SHISA7: variants seen among roughly 807,000 people sequenced by gnomAD.
The protein encoded by SHISA7 is protein shisa-7.
A neutral mutation model predicts 23.9 loss-of-function variants in SHISA7; 6 were observed. The observed-to-expected ratio is 0.25, with a 90% CI of 0.14 to 0.50. SHISA7 has a LOEUF of 0.50. Among genes scored for constraint, SHISA7 ranks in the 20% least tolerant of loss-of-function variants. SHISA7 has a pLI of 0.98. For missense variants in SHISA7, 671 were observed against 801.1 expected (o/e 0.84, Z 1.96); for synonymous variants, 386 against 398.3 (o/e 0.97, Z 0.37).
At chr19:55,439,126 A>G (rs764422096) in intron 2 of SHISA7, among the ~76,000 whole-genome samples, 2 of 152,130 alleles carry the variant, frequency 1.3e-5, no homozygotes, top group Non-Finnish European at 2.9e-5. Context: ...ACAAAGTTGA[A>G]CCCAGGAATG....
chr19:55,435,408 TTG>T (rs201290225), intron 3 of SHISA7, among the ~76,000 whole-genome samples: 44 of 132,466 alleles, frequency 3.3e-4, no homozygotes, highest in Admixed American at 4.8e-4. Flanking sequence ...TGGGTGTGTG[TTG>T]TGTGTGTGTG....
At chr19:55,440,494 T>A (rs1277740363) in intron 2 of SHISA7, 117 bp downstream of exon 2, 3 of 953,130 alleles carry the variant, frequency 3.1e-6, no homozygotes, top group Non-Finnish European at 4.1e-6. Context: ...AAGGCGGGCG[T>A]AGGGGGTGAG....
In SHISA7 at chr19:55,433,641, G is replaced by C. The variant is rs1199601883; in HGVS notation, c.1132C>G (p.Pro378Ala). 6.7e-7 allele frequency: 1 copy of C among 1,489,970 alleles called. No homozygotes were observed. Among genetic ancestry groups the C allele is most frequent in the Admixed American group, 2.3e-5 (1 of 44,304 alleles). 92.3% of individuals were successfully genotyped at this position (1,489,970 alleles called of 1,614,324 possible). The change falls in exon 4 of 4, where the codon CCC becomes GCC. Residue 378 changes from proline to alanine, a missense_variant. Coordinates refer to ENST00000376325, the MANE Select transcript of SHISA7 (RefSeq NM_001145176.2). The surrounding 1 kb of genome is among the most constrained non-coding windows in gnomAD (Gnocchi z 8.4). ...TGGGACATGACCCGCCGGGGGTTGG[G>C]CGCGGGCGCCAGGCCCAGCTCCTCT... ...GPEELGLAPAPNPRRVMSQEH... is the reference protein window; with the variant it reads ...GPEELGLAPAANPRRVMSQEH...
At position 55,433,288 on chromosome 19, in the gene SHISA7, G is replaced by C; in HGVS notation, c.1485C>G (p.Gly495=). ...SPQPAWMSDA[G]GGGGTLARRP... ...TGCGGGCCAGTGTGCCCCCGCCCCC[G>C]CCGGCGTCGGACATCCAGGCCGGCT... Residue 495 remains glycine (G), a synonymous_variant, in exon 4 of 4, where the codon GGC becomes GGG. Coordinates refer to ENST00000376325, the MANE Select transcript of SHISA7 (RefSeq NM_001145176.2). This position sits in a 1 kb window ranked among gnomAD's most constrained non-coding sequence, Gnocchi z 8.4. 1 of 1,504,592 alleles carries C rather than the reference G, an allele frequency of 6.6e-7. No homozygotes were observed. The highest frequency in any genetic ancestry group is 8.8e-7 in the Non-Finnish European group (1 of 1,134,234). 93.2% of individuals were successfully genotyped at this position (1,504,592 alleles called of 1,614,324 possible).
intron 1 of SHISA7, 116 bp downstream of exon 1, chr19:55,442,076 AC>A (rs1568453283): frequency 9.2e-7 from 1 of 1,082,450 alleles, no homozygotes; most frequent in Non-Finnish European, 1.3e-6. Flanking sequence ...GGCGGCCGCC[AC>A]CTGGGTCTCT....
intron 2 of SHISA7, among the ~76,000 whole-genome samples, chr19:55,438,129 A>G (rs1383691022): frequency 2.0e-5 from 3 of 146,558 alleles, no homozygotes; most frequent in African/African-American, 7.8e-5. Flanking sequence ...CCTCCCTCAG[A>G]CCCAGGCGTC....
At position 55,432,755 on chromosome 19, in the gene SHISA7, GTTA is replaced by G. The variant is rs940785112; in HGVS notation, c.*398_*400del. The G allele has an allele frequency of 3.0e-5, 5 of 167,520 alleles. No homozygotes were observed. Among genetic ancestry groups the G allele is most frequent in the African/African-American group, 9.5e-5 (4 of 42,108 alleles). The allele number at this position is 167,520 out of a possible 1,614,324, so 10.4% of individuals were successfully genotyped here. On this transcript the variant is annotated 3_prime_UTR_variant, in exon 4 of 4. Transcript: ENST00000376325. The surrounding 1 kb of genome is among the most constrained non-coding windows in gnomAD (Gnocchi z 4.6). ...TGTCATGGAACAAGGCGTCGTCTCTGTTATTATACCACAAGAAGGAAGCCTCTG... is the reference window on the plus strand; with the variant it reads ...TGTCATGGAACAAGGCGTCGTCTCTGTTATACCACAAGAAGGAAGCCTCTG...
chr19:55,437,551 G>C (rs942854888), intron 3 of SHISA7, 54 bp downstream of exon 3: 3 of 1,534,804 alleles, frequency 2.0e-6, no homozygotes, highest in Non-Finnish European at 2.6e-6. Context: ...CTGAACCCAG[G>C]CTCTGGCCCC....
intron 3 of SHISA7, among the ~76,000 whole-genome samples, chr19:55,434,835 T>TGG (rs758664870): frequency 8.8e-6 from 1 of 113,704 alleles, no homozygotes; most frequent in Non-Finnish European, 1.8e-5. Flanking sequence ...GTGTGTGGTG[T>TGG]GTGGTGTGTG....
chr19:55,434,543 TGTG>T (rs1568450370), intron 3 of SHISA7, among the ~76,000 whole-genome samples: 1 of 102,830 alleles, frequency 9.7e-6, no homozygotes, highest in African/African-American at 3.9e-5. Context: ...TGTGTGTGGT[TGTG>T]TGTGTATGGT....
chr19:55,434,690 A>C (rs1397018150), intron 3 of SHISA7, among the ~76,000 whole-genome samples: 2 of 45,136 alleles, frequency 4.4e-5, no homozygotes, highest in Non-Finnish European at 8.2e-5. Flanking sequence ...GTGTGTGTGT[A>C]TGGTGCGTGT....
chr19:55,440,336 C>T (rs1478782941), intron 2 of SHISA7, among the ~76,000 whole-genome samples: 2 of 152,210 alleles, frequency 1.3e-5, no homozygotes, highest in Non-Finnish European at 2.9e-5. Flanking sequence ...ACACCGAGCG[C>T]AGGGGCTTGA....
chr19:55,433,685 A>T lies in SHISA7; in HGVS notation c.1088T>A (p.Met363Lys). ...RRPGTGGGYRMEAWGGPEELG... is the reference protein window; with the variant it reads ...RRPGTGGGYRKEAWGGPEELG... ...CTCCTCTGGGCCGCCCCAGGCCTCC[A>T]TGCGATAGCCGCCCCCCGTGCCCGG... Residue 363 changes from methionine to lysine, a missense_variant, in exon 4 of 4, where the codon ATG becomes AAG. Met to Lys is a moderately conservative substitution (Grantham distance 95). Transcript: ENST00000376325. The surrounding 1 kb of genome is among the most constrained non-coding windows in gnomAD (Gnocchi z 8.4). The T allele has an allele frequency of 6.7e-7, 1 of 1,482,530 alleles. No individual in the cohort carries two copies. Among genetic ancestry groups the T allele is most frequent in the Non-Finnish European group, 8.9e-7 (1 of 1,124,110 alleles). 91.8% of individuals were successfully genotyped at this position (1,482,530 alleles called of 1,614,324 possible). A position where few individuals can be genotyped will look rare whatever the true frequency, so the allele number is the denominator to read the frequency against.
chr19:55,442,693 G>T lies in SHISA7; in HGVS notation c.171C>A (p.Gly57=), dbSNP rs1414255300. 30 of 1,031,648 alleles carry T rather than the reference G, an allele frequency of 2.9e-5. No individual in the cohort carries two copies. Among genetic ancestry groups the T allele is most frequent in the Admixed American group, 2.9e-4 (5 of 17,338 alleles). The allele number at this position is 1,031,648 out of a possible 1,614,324, so 63.9% of individuals were successfully genotyped here. ...LTGGGGAASP[G]ANGTRTGPAG... ...CGGGGCCGGTCCTGGTGCCGTTGGCGCCTGGGCTCGCCGCGCCCCCGCCGC... is the reference window on the plus strand; with the variant it reads ...CGGGGCCGGTCCTGGTGCCGTTGGCTCCTGGGCTCGCCGCGCCCCCGCCGC... Residue 57 remains glycine (G), a synonymous_variant, in exon 1 of 4, where the codon GGC becomes GGA. Coordinates refer to ENST00000376325, the MANE Select transcript of SHISA7 (RefSeq NM_001145176.2).
At chr19:55,435,390 T>TGGGTGTGGTATATGTG in intron 3 of SHISA7, among the ~76,000 whole-genome samples, 1 of 129,634 alleles carries the variant, frequency 7.7e-6, no homozygotes, top group African/African-American at 2.9e-5. Flanking sequence ...ATATGTGGTG[T>TGGGTGTGGTATATGTG]GTGTGTGTGG....
chr19:55,441,656 A>G (rs919490791), intron 1 of SHISA7, among the ~76,000 whole-genome samples: 1 of 152,142 alleles, frequency 6.6e-6, no homozygotes, highest in African/African-American at 2.4e-5. Flanking sequence ...AGTCATCTAA[A>G]ATTACACTGC....
chr19:55,438,755 A>G, intron 2 of SHISA7: 1 of 607,048 alleles, frequency 1.6e-6, no homozygotes, highest in Non-Finnish European at 2.7e-6. Flanking sequence ...TTAGAGCTCC[A>G]CAGATCAACC....
rs1279459968 is a variant in SHISA7 at position 55,435,015 on chromosome 19, TGTGTGTGTGG to T, written c.977-1229_977-1220del. On this transcript the variant is annotated intron_variant, in intron 3 of 3. Transcript: ENST00000376325. ...TGGTGTGTGTGTGGTGTATATGTGGTGTGTGTGTGGGTGTGTGGCTGTGTGGTGTGTGTGT... is the reference window on the plus strand; with the variant it reads ...TGGTGTGTGTGTGGTGTATATGTGGTGTGTGTGGCTGTGTGGTGTGTGTGT... 1.2e-4 allele frequency among the ~76,000 whole-genome samples: 13 copies of T among 105,988 alleles called. No homozygotes were observed. The South Asian group carries it at 1.6e-3, about 13-fold the overall frequency. 69.5% of individuals were successfully genotyped at this position (105,988 alleles called of 152,430 possible). A position where few individuals can be genotyped will look rare whatever the true frequency, so the allele number is the denominator to read the frequency against.
At chr19:55,435,705 A>C in intron 3 of SHISA7, among the ~76,000 whole-genome samples, 1 of 151,036 alleles carries the variant, frequency 6.6e-6, no homozygotes, top group East Asian at 1.9e-4. Flanking sequence ...TTGAGCCTGC[A>C]GTGAGCCATG....
Sources: gnomAD v4.1 joint callset for allele counts (sites outside exome capture counted in the v4.1 genomes callset) on GRCh38, gnomAD v4.1.1 for gene constraint, Gnocchi (gnomAD v3.1) non-coding constraint, MANE v1.5 for transcripts, NCBI Gene and HGNC (gene_info 2026-07-23, HGNC 2026-07-21) for gene names.